Variants in DENND5B observed in about 807,000 individuals in gnomAD.
DENND5B encodes DENN domain containing 5B.
DENND5B carries 34 observed loss-of-function variants against 140.6 expected under a neutral mutation model. The observed-to-expected ratio is 0.24, with a 90% CI of 0.18 to 0.32. DENND5B has a LOEUF of 0.32. Among genes scored for constraint, DENND5B ranks in the 10% least tolerant of loss-of-function variants. DENND5B has a pLI of 1.00. For missense variants in DENND5B, 1,142 were observed against 1,560.2 expected (o/e 0.73, Z 4.52); for synonymous variants, 551 against 562.1 (o/e 0.98, Z 0.28).
chr12:31,394,677 G>A (rs1013070449), intron 17 of DENND5B, among the ~76,000 whole-genome samples: 3 of 149,964 alleles, frequency 2.0e-5, no homozygotes, highest in Non-Finnish European at 3.0e-5. Flanking sequence ...GCAGTGGAGC[G>A]ATCTCAGGTC....
At chr12:31,480,886 A>T (rs1251507889) in intron 2 of DENND5B, among the ~76,000 whole-genome samples, 3 of 152,200 alleles carry the variant, frequency 2.0e-5, no homozygotes, top group Non-Finnish European at 4.4e-5. Flanking sequence ...GGCATTTTAG[A>T]TTACTTCTAG....
chr12:31,387,906 C>A, intron 20 of DENND5B, 120 bp from the exon 21 acceptor site: 1 of 1,024,982 alleles, frequency 9.8e-7, no homozygotes, highest in Non-Finnish European at 1.4e-6. Flanking sequence ...TGTATCCAAG[C>A]TAAGAGGTCA....
At chr12:31,433,010 T>C in intron 8 of DENND5B, 145 bp downstream of exon 8, 3 of 679,380 alleles carry the variant, frequency 4.4e-6, no homozygotes, top group Non-Finnish European at 7.2e-6. Context: ...TATATGTCCG[T>C]ACAAAAGGAT....
chr12:31,524,029 AACT>A (rs1482082644), intron 1 of DENND5B, among the ~76,000 whole-genome samples: 2 of 150,434 alleles, frequency 1.3e-5, no homozygotes, highest in East Asian at 1.9e-4. Context: ...TTTAAGTGAA[AACT>A]ACTGAGCCCT....
intron 6 of DENND5B, 131 bp downstream of exon 6, chr12:31,447,407 C>T (rs918219763): frequency 2.2e-5 from 17 of 758,746 alleles, no homozygotes; most frequent in African/African-American, 7.0e-5. Context: ...CAAAGCATTT[C>T]GTGATATAGT....
At chr12:31,467,570 T>A (rs1945331155) in intron 3 of DENND5B, among the ~76,000 whole-genome samples, 1 of 152,126 alleles carries the variant, frequency 6.6e-6, no homozygotes, top group Non-Finnish European at 1.5e-5. Context: ...GCCCAGGAGT[T>A]CAGTCGCATC....
At chr12:31,543,120 A>T (rs1175481885) in intron 1 of DENND5B, among the ~76,000 whole-genome samples, 1 of 152,166 alleles carries the variant, frequency 6.6e-6, no homozygotes, top group Non-Finnish European at 1.5e-5. Context: ...AGGCAGGAGG[A>T]TCCCTTGACT....
chr12:31,516,850 G>A (rs1947676217), intron 1 of DENND5B, among the ~76,000 whole-genome samples: 1 of 152,012 alleles, frequency 6.6e-6, no homozygotes, highest in South Asian at 2.1e-4. Flanking sequence ...GAAGTGGGAG[G>A]GCTGCTTGAG....
chr12:31,511,909 C>T (rs1175929951), intron 1 of DENND5B, among the ~76,000 whole-genome samples: 1 of 146,300 alleles, frequency 6.8e-6, no homozygotes, highest in East Asian at 2.0e-4. Flanking sequence ...TAAAAACATC[C>T]CCTCCACTGC....
At position 31,447,692 on chromosome 12, in the gene DENND5B, G is replaced by A; in HGVS notation, c.1707C>T (p.Thr569=). ...SRFIETQMFA[T]FIDNKIMSQW... is the part of the protein sequence containing the mutation. The stretch of plus-strand genomic sequence containing the variant: ...GAGACATAATTTTATTATCAATAAA[G>A]GTGGCAAACATCTGTGTTTCAATGA... Residue 569 remains threonine (T), a synonymous_variant, in exon 6 of 21, where the codon ACC becomes ACT. Coordinates refer to ENST00000389082, the MANE Select transcript of DENND5B (RefSeq NM_144973.4). 2 of 1,612,752 alleles carry A rather than the reference G, an allele frequency of 1.2e-6. No individual in the cohort carries two copies. The highest frequency in any genetic ancestry group is 1.1e-5 in the South Asian group (1 of 90,752).
rs141696072 is a variant in DENND5B at position 31,528,876 on chromosome 12, T to C, written c.128-32957A>G. On this transcript the variant is annotated intron_variant, in intron 1 of 20. Coordinates refer to ENST00000389082, the MANE Select transcript of DENND5B (RefSeq NM_144973.4). ...CTGATATTGGATCATATTAAAGTCA[T>C]GAGGGTCAGGCACGGTGGCTCATGC... Among the ~76,000 whole-genome samples the C allele has an allele frequency of 7.8e-4, 118 of 152,166 alleles. 5 individuals carry two copies. In the East Asian group the frequency reaches 0.013, roughly 17 times the overall value.
chr12:31,407,934 G>A (rs183080870), intron 14 of DENND5B, among the ~76,000 whole-genome samples: 128 of 152,284 alleles, frequency 8.4e-4, no homozygotes, highest in African/African-American at 2.9e-3. Flanking sequence ...GTAAGGAAGA[G>A]GACCCACTGC....
At chr12:31,449,476 T>C (rs777336116) in intron 5 of DENND5B, among the ~76,000 whole-genome samples, 36 of 152,204 alleles carry the variant, frequency 2.4e-4, no homozygotes, top group Non-Finnish European at 4.1e-4. Context: ...CAGACCCTCA[T>C]AAACTATAAA....
intron 14 of DENND5B, among the ~76,000 whole-genome samples, chr12:31,404,758 G>GTTTTTTTT (rs1565546658): frequency 9.4e-5 from 1 of 10,668 alleles, no homozygotes; most frequent in East Asian, 4.5e-3. Context: ...CCGACCTCTA[G>GTTTTTTTT]CTTTTTTTTT....
In DENND5B at chr12:31,570,822, T is replaced by C. The variant is rs114885895; in HGVS notation, c.127+19884A>G. ...TCTTAGGTTATCTCAAGGTCTTTGG[T>C]TGGTTGATTGGTCTAAACATTTGAA... On this transcript the variant is annotated intron_variant, in intron 1 of 20. Transcript: ENST00000389082. Among the ~76,000 whole-genome samples the C allele has an allele frequency of 1.1e-3, 172 of 152,172 alleles. 3 individuals carry two copies. Among genetic ancestry groups the C allele is most frequent in the African/African-American group, 4.0e-3 (166 of 41,440 alleles).
At chr12:31,552,775 T>C (rs1199983778) in intron 1 of DENND5B, among the ~76,000 whole-genome samples, 1 of 152,212 alleles carries the variant, frequency 6.6e-6, no homozygotes, top group Non-Finnish European at 1.5e-5. Flanking sequence ...GAGATTCAAC[T>C]TCTTCCTGGT....
At chr12:31,413,708 C>A (rs912811397) in intron 12 of DENND5B, 144 bp from the exon 13 acceptor site, 1 of 948,988 alleles carries the variant, frequency 1.1e-6, no homozygotes, top group Admixed American at 3.6e-5. Flanking sequence ...TTGATTAAAT[C>A]TTTGAAGGTT....
chr12:31,535,407 G>C (rs1214881913), intron 1 of DENND5B, among the ~76,000 whole-genome samples: 4 of 151,814 alleles, frequency 2.6e-5, no homozygotes, highest in African/African-American at 9.7e-5. Flanking sequence ...GAGAGAGAGA[G>C]AGACACACAC....
intron 3 of DENND5B, among the ~76,000 whole-genome samples, chr12:31,474,997 G>A (rs1340725901): frequency 6.6e-6 from 1 of 152,090 alleles, no homozygotes; most frequent in African/African-American, 2.4e-5. Context: ...TTAACACAGT[G>A]GTTAAGCATC....
Sources: gnomAD v4.1 joint callset for allele counts (sites outside exome capture counted in the v4.1 genomes callset) on GRCh38, gnomAD v4.1.1 for gene constraint, MANE v1.5 for transcripts, NCBI Gene and HGNC (gene_info 2026-07-23, HGNC 2026-07-21) for gene names.